BEST4: variants seen among roughly 807,000 people sequenced by gnomAD.
BEST4 encodes bestrophin-4.
In BEST4, 36 loss-of-function variants were observed where a neutral mutation model predicts 47.1. That is an observed-to-expected ratio of 0.76 (90% CI 0.59 to 1.01). BEST4 has a LOEUF of 1.01. Among genes scored for constraint, BEST4 ranks in the 50% least tolerant of loss-of-function variants. The pLI, the probability that BEST4 is intolerant of heterozygous loss-of-function variation, is 0.00. For synonymous variants in BEST4, 250 were observed against 277.8 expected, an observed-to-expected ratio of 0.90 and a Z score of 1.00; for missense variants, 550 against 648.6, an observed-to-expected ratio of 0.85 and a Z score of 1.65.
upstream of BEST4, among the ~76,000 whole-genome samples, chr1:44,791,962 G>A (rs944641859): frequency 6.6e-6 from 1 of 152,174 alleles, no homozygotes; most frequent in Non-Finnish European, 1.5e-5. Context: ...CCCATGAGAG[G>A]CCGGGTGCGG....
At chr1:44,788,756 C>T (rs551878380), upstream of BEST4, among the ~76,000 whole-genome samples, 2 of 152,344 alleles carry the variant, frequency 1.3e-5, no homozygotes, top group East Asian at 3.9e-4. Context: ...CACTCCCAGT[C>T]TTCTTGTACA....
upstream of BEST4, among the ~76,000 whole-genome samples, chr1:44,789,367 T>C (rs1651350490): frequency 7.0e-6 from 1 of 143,604 alleles, no homozygotes; most frequent in South Asian, 2.2e-4. Flanking sequence ...GCCACTGCAC[T>C]TCAGCTTGGG....
chr1:44,787,297 C>T (rs1018823984), intron 2 of BEST4, 75 bp downstream of exon 2: 14 of 1,448,306 alleles, frequency 9.7e-6, no homozygotes, highest in Middle Eastern at 1.8e-4. Flanking sequence ...TTCTGACCCT[C>T]GGAGCTGTCA....
At chr1:44,791,506 C>T (rs1252989409), upstream of BEST4, among the ~76,000 whole-genome samples, 1 of 152,006 alleles carries the variant, frequency 6.6e-6, no homozygotes, top group Non-Finnish European at 1.5e-5. Flanking sequence ...CCGCCACCCG[C>T]ACCTGTGGCC....
In BEST4 at chr1:44,787,749, G is replaced by A. The variant is rs1651301355; in HGVS notation, c.-44C>T. 1.2e-6 allele frequency: 2 copies of A among 1,610,632 alleles called. No individual in the cohort carries two copies. The highest frequency in any genetic ancestry group is 8.5e-7 in the Non-Finnish European group (1 of 1,178,600). ...CAGGAGGTCACAAGAGTTGCCCCCA[G>A]GGCTGTCGTTTAGTTCTCCAGACAA... On this transcript the variant is annotated 5_prime_UTR_variant, in exon 1 of 9. Transcript: ENST00000372207.
rs1273542028 is a variant in BEST4 at position 44,785,252 on chromosome 1, C to T, written c.768G>A (p.Gln256=). The part of the protein sequence containing the change: ...SFFALSLVGR[Q]FVEPEAGAAK... ...CAGCCCCTGCCTCTGGCTCCACAAA[C>T]TGGCGGCCAACCAGGGAGAGGGCAA... is the stretch of plus-strand genomic sequence containing the variant. Residue 256 remains glutamine (Q), a synonymous_variant, in exon 6 of 9, where the codon CAG becomes CAA. Coordinates refer to ENST00000372207, the MANE Select transcript of BEST4 (RefSeq NM_153274.3). 20 of 1,612,454 alleles carry T rather than the reference C, an allele frequency of 1.2e-5. No homozygotes were observed. Among genetic ancestry groups the T allele is most frequent in the Non-Finnish European group, 1.7e-5 (20 of 1,179,356 alleles).
downstream of BEST4, among the ~76,000 whole-genome samples, chr1:44,781,853 C>A (rs1651050399): frequency 6.6e-6 from 1 of 152,088 alleles, no homozygotes. Flanking sequence ...GGAAAAAAGT[C>A]TTGAGACTTT....
rs779380640 is a variant in BEST4, at chr1:44,787,756, C to T, written c.-51G>A. The T allele has an allele frequency of 1.9e-5, 30 of 1,605,636 alleles. No individual in the cohort carries two copies. The highest frequency in any genetic ancestry group is 2.7e-5 in the African/African-American group (2 of 74,794). On this transcript the variant is annotated 5_prime_UTR_variant, in exon 1 of 9. Coordinates refer to ENST00000372207, the MANE Select transcript of BEST4 (RefSeq NM_153274.3). ...TCACAAGAGTTGCCCCCAGGGCTGT[C>T]GTTTAGTTCTCCAGACAACCTCCCT...
upstream of BEST4, among the ~76,000 whole-genome samples, chr1:44,790,905 T>C (rs541630699): frequency 6.6e-6 from 1 of 152,202 alleles, no homozygotes; most frequent in South Asian, 2.1e-4. Flanking sequence ...AGTGAGACCC[T>C]GTCTCAAAAC....
chr1:44,792,544 G>C (rs1279288126), upstream of BEST4, among the ~76,000 whole-genome samples: 5 of 152,114 alleles, frequency 3.3e-5, no homozygotes, highest in Non-Finnish European at 7.4e-5. Flanking sequence ...AGCACCAGGT[G>C]AGTGGGAAGT....
chr1:44,784,254 C>A lies in BEST4; in HGVS notation c.1378G>T (p.Glu460Ter). The A allele has an allele frequency of 6.9e-7, 1 of 1,454,948 alleles. No individual in the cohort carries two copies. The highest frequency in any genetic ancestry group is 9.0e-7 in the Non-Finnish European group (1 of 1,112,718). The allele number at this position is 1,454,948 out of a possible 1,614,324, so 90.1% of individuals were successfully genotyped here. ...TCCCCGGACTCCGCCGATTCCTCCT[C>A]GATGCGGGCTGCGGCCTCGGGGTCG... ...GGDPEAAARI[E>*]EESAESGDEA... Residue 460 changes from glutamate (E) to a stop codon, truncating the protein, a stop_gained, in exon 9 of 9, where the codon GAG (glutamate) becomes TAG (stop). Transcript: ENST00000372207. LOFTEE classifies it high-confidence loss of function. This position sits in a 1 kb window ranked among gnomAD's most constrained non-coding sequence, Gnocchi z 6.2.
chr1:44,787,365 G>A lies in BEST4; in HGVS notation c.247+7C>T, dbSNP rs1179432191. On this transcript the variant is annotated splice_region_variant and intron_variant, in intron 2 of 8. Transcript: ENST00000372207. ...GGGACACAGGGAAAACTAGAAGGGA[G>A]CCTTACCCAATACAAAGGACAAGGG... 4 of 1,613,840 alleles carry A rather than the reference G, an allele frequency of 2.5e-6. No homozygotes were observed. The highest frequency in any genetic ancestry group is 1.7e-5 in the Admixed American group (1 of 59,998).
upstream of BEST4, among the ~76,000 whole-genome samples, chr1:44,789,387 C>T (rs1435828182): frequency 1.6e-5 from 2 of 128,022 alleles, no homozygotes; most frequent in Non-Finnish European, 3.2e-5. Context: ...GTGACAGAGA[C>T]TCTGTCTCAA....
rs950394225 is a variant in BEST4, at chr1:44,786,297, C to T, written c.482-69G>A. ...CCAGGGGAGGCTGCTGTTCCGCCGT[C>T]TGGCTCCCCTCCCTCGCGTCCACCG... On this transcript the variant is annotated intron_variant, in intron 3 of 8. Coordinates refer to ENST00000372207, the MANE Select transcript of BEST4 (RefSeq NM_153274.3). This position sits in a 1 kb window ranked among gnomAD's most constrained non-coding sequence, Gnocchi z 4.9. The T allele has an allele frequency of 5.9e-6, 9 of 1,523,664 alleles. No homozygotes were observed. The highest frequency in any genetic ancestry group is 7.1e-6 in the Non-Finnish European group (8 of 1,132,260). The allele number at this position is 1,523,664 out of a possible 1,614,324, so 94.4% of individuals were successfully genotyped here.
In BEST4 at chr1:44,786,231, G is replaced by T; in HGVS notation, c.482-3C>A. The T allele has an allele frequency of 6.2e-7, 1 of 1,611,472 alleles. No homozygotes were observed. Among genetic ancestry groups the T allele is most frequent in the Non-Finnish European group, 8.5e-7 (1 of 1,178,786 alleles). ...CCTCTCTTCCTGGGACATGAAACCT[G>T]AGGGGGTAAAGCAGGTGGGGTGCAG... On this transcript the variant is annotated splice_polypyrimidine_tract_variant and splice_region_variant and intron_variant, in intron 3 of 8. Coordinates refer to ENST00000372207, the MANE Select transcript of BEST4 (RefSeq NM_153274.3). The surrounding 1 kb of genome is among the most constrained non-coding windows in gnomAD (Gnocchi z 4.9).
chr1:44,787,763 T>C lies in BEST4; in HGVS notation c.-58A>G. Reference sequence around the variant, plus strand: ...AGTTGCCCCCAGGGCTGTCGTTTAGTTCTCCAGACAACCTCCCTTCCACTC... The same window carrying C: ...AGTTGCCCCCAGGGCTGTCGTTTAGCTCTCCAGACAACCTCCCTTCCACTC... On this transcript the variant is annotated 5_prime_UTR_variant, in exon 1 of 9. Coordinates refer to ENST00000372207, the MANE Select transcript of BEST4 (RefSeq NM_153274.3). The C allele has an allele frequency of 6.3e-7, 1 of 1,598,582 alleles. No homozygotes were observed. The highest frequency in any genetic ancestry group is 8.5e-7 in the Non-Finnish European group (1 of 1,170,178).
upstream of BEST4, among the ~76,000 whole-genome samples, chr1:44,791,042 C>T (rs1220476883): frequency 6.6e-6 from 1 of 151,982 alleles, no homozygotes; most frequent in African/African-American, 2.4e-5. Context: ...TTTTGTTCTC[C>T]ATTTCTCTCT....
At chr1:44,791,482 A>T (rs570418691), upstream of BEST4, among the ~76,000 whole-genome samples, 1 of 151,960 alleles carries the variant, frequency 6.6e-6, no homozygotes, top group South Asian at 2.1e-4. Flanking sequence ...AGCTGGCTGC[A>T]TTTCAATCCT....
At chr1:44,785,356 A>C in intron 5 of BEST4, 51 bp from the exon 6 acceptor site, 2 of 1,501,666 alleles carry the variant, frequency 1.3e-6, no homozygotes, top group Non-Finnish European at 1.8e-6. Flanking sequence ...GCCAAGGAGA[A>C]ATGCTGCCCC....
Sources: allele counts gnomAD v4.1 joint callset (sites outside exome capture counted in the v4.1 genomes callset), GRCh38; gene constraint gnomAD v4.1.1; non-coding constraint Gnocchi (gnomAD v3.1); transcripts MANE v1.5; gene names NCBI Gene and HGNC (gene_info 2026-07-23, HGNC 2026-07-21).